TMEM108: variants seen among roughly 807,000 people sequenced by gnomAD.
The protein encoded by TMEM108 is transmembrane protein 108, also known as cancer/testis antigen 124.
A neutral mutation model predicts 35.1 loss-of-function variants in TMEM108; 12 were observed. The observed-to-expected ratio is 0.34, with a 90% CI of 0.22 to 0.55. The LOEUF (loss-of-function observed/expected upper bound fraction) is 0.55, where lower values mean the gene tolerates loss of function less well. TMEM108 is among the 20% of genes least tolerant of loss of function. The probability of loss-of-function intolerance (pLI) is 0.89; values close to 1 mark genes in which losing one functional copy is unlikely to be tolerated. For synonymous variants in TMEM108, 287 were observed against 308.6 expected (o/e 0.93, Z 0.73); for missense variants, 680 against 753.3 (o/e 0.90, Z 1.14).
chr3:133,380,172 C>T lies in TMEM108; in HGVS notation c.461C>T (p.Thr154Ile), dbSNP rs751037967. The T allele has an allele frequency of 3.8e-5, 62 of 1,612,468 alleles. No individual in the cohort carries two copies. Among genetic ancestry groups the T allele is most frequent in the Non-Finnish European group, 5.1e-5 (60 of 1,179,322 alleles). ...TKPPGATSRP[T>I]TAPPRTTTRR... ...CCACCGGGGGCCACCAGCCGCCCCA[C>T]CACAGCGCCCCCCCGCACTACCACA... is the stretch of plus-strand genomic sequence containing the variant. The change falls in exon 4 of 6, where the codon ACC becomes ATC. Residue 154 changes from threonine to isoleucine, a missense_variant. Physicochemically the swap from Thr to Ile is moderately conservative, Grantham distance 89. This residue lies in a region of TMEM108 where 526 missense variants were observed against 532.1 expected (regional missense o/e 0.99). Coordinates refer to ENST00000321871, the MANE Select transcript of TMEM108 (RefSeq NM_023943.4). This position sits in a 1 kb window ranked among gnomAD's most constrained non-coding sequence, Gnocchi z 5.3.
intron 3 of TMEM108, among the ~76,000 whole-genome samples, chr3:133,374,981 C>T (rs73209843): frequency 0.048 from 7,247 of 152,266 alleles, 215 homozygotes; most frequent in Non-Finnish European, 0.068. Flanking sequence ...TGCAGCTTGC[C>T]ATTCCCCAGC....
At chr3:133,255,708 G>T (rs978617029) in intron 3 of TMEM108, among the ~76,000 whole-genome samples, 2 of 152,146 alleles carry the variant, frequency 1.3e-5, no homozygotes, top group African/African-American at 4.8e-5. Context: ...AATAATAAGG[G>T]CTGGGCGTGG....
chr3:133,250,332 T>A (rs1946450392), intron 3 of TMEM108, among the ~76,000 whole-genome samples: 1 of 152,216 alleles, frequency 6.6e-6, no homozygotes, highest in South Asian at 2.1e-4. Flanking sequence ...ACCTATATGA[T>A]CATCTACTTC....
chr3:133,342,553 TATACAC>T (rs1220800936), intron 3 of TMEM108, among the ~76,000 whole-genome samples: 2 of 89,310 alleles, frequency 2.2e-5, no homozygotes, highest in Non-Finnish European at 4.7e-5. Context: ...GGTATATATA[TATACAC>T]ACACACACAC....
At chr3:133,377,950 A>C (rs2072889956) in intron 3 of TMEM108, among the ~76,000 whole-genome samples, 1 of 152,116 alleles carries the variant, frequency 6.6e-6, no homozygotes, top group African/African-American at 2.4e-5. Context: ...ATGAGAATTG[A>C]ATGCCTGCTG....
chr3:133,330,879 C>T (rs2071385897), intron 3 of TMEM108, among the ~76,000 whole-genome samples: 1 of 151,922 alleles, frequency 6.6e-6, no homozygotes, highest in Non-Finnish European at 1.5e-5. Context: ...TACCTCAAAA[C>T]AAAGCATTAG....
chr3:133,064,133 T>C (rs1943568038), intron 2 of TMEM108, among the ~76,000 whole-genome samples: 1 of 152,180 alleles, frequency 6.6e-6, no homozygotes, highest in Non-Finnish European at 1.5e-5. Flanking sequence ...CCTGTAAGAC[T>C]CTATTGAATT....
intron 2 of TMEM108, among the ~76,000 whole-genome samples, chr3:133,203,215 A>G (rs1182171674): frequency 1.3e-5 from 2 of 152,176 alleles, no homozygotes; most frequent in African/African-American, 4.8e-5. Context: ...GGTTTTCTAA[A>G]TAGACAATCA....
At chr3:133,097,023 C>T (rs574741318) in intron 2 of TMEM108, among the ~76,000 whole-genome samples, 15 of 152,280 alleles carry the variant, frequency 9.9e-5, no homozygotes, top group African/African-American at 3.6e-4. Context: ...TTGCATGTCA[C>T]GGGAAGGACT....
chr3:133,352,565 C>A (rs899135906), intron 3 of TMEM108, among the ~76,000 whole-genome samples: 1 of 152,192 alleles, frequency 6.6e-6, no homozygotes, highest in Non-Finnish European at 1.5e-5. Context: ...ATCAGAGGTT[C>A]CCACAACCCC....
At chr3:133,111,875 C>G (rs138234148) in intron 2 of TMEM108, among the ~76,000 whole-genome samples, 1 of 152,274 alleles carries the variant, frequency 6.6e-6, no homozygotes, top group East Asian at 1.9e-4. Flanking sequence ...TTTGCTTACC[C>G]TGCTTCCACC....
intron 2 of TMEM108, among the ~76,000 whole-genome samples, chr3:133,102,196 C>G (rs1224763303): frequency 6.6e-6 from 1 of 152,198 alleles, no homozygotes; most frequent in Non-Finnish European, 1.5e-5. Context: ...TGTAGAGATG[C>G]CTTCAGGCTG....
chr3:133,108,437 A>G (rs1387181016), intron 2 of TMEM108, among the ~76,000 whole-genome samples: 1 of 151,982 alleles, frequency 6.6e-6, no homozygotes, highest in African/African-American at 2.4e-5. Flanking sequence ...GTGTCTGTTC[A>G]TATCATTTGC....
chr3:133,068,038 C>T (rs2107686994), intron 2 of TMEM108, among the ~76,000 whole-genome samples: 1 of 151,862 alleles, frequency 6.6e-6, no homozygotes, highest in Middle Eastern at 3.4e-3. Context: ...TTATCAGGAG[C>T]TCATTTTCAT....
At chr3:133,372,846 G>T (rs1214434417) in intron 3 of TMEM108, among the ~76,000 whole-genome samples, 42 of 152,178 alleles carry the variant, frequency 2.8e-4, no homozygotes. Context: ...AAGCAGAAAA[G>T]ATTTGCACTC....
At chr3:133,394,879 GAATT>G (rs2073283933) in intron 5 of TMEM108, among the ~76,000 whole-genome samples, 1 of 152,254 alleles carries the variant, frequency 6.6e-6, no homozygotes, top group African/African-American at 2.4e-5. Flanking sequence ...AAACTTCAGA[GAATT>G]AATTGTGGCT....
At chr3:133,378,314 TCTC>T (rs2072903224) in intron 3 of TMEM108, 8 of 983,620 alleles carry the variant, frequency 8.1e-6, no homozygotes, top group Non-Finnish European at 9.7e-6. Context: ...TGCCTGGAGA[TCTC>T]CTCCCCATCT....
chr3:133,139,979 G>GGA (rs1311114943), intron 2 of TMEM108, among the ~76,000 whole-genome samples: 2 of 152,208 alleles, frequency 1.3e-5, no homozygotes, highest in African/African-American at 4.8e-5. Context: ...GGTGTGAGGG[G>GGA]GAAGAGGATA....
intron 2 of TMEM108, among the ~76,000 whole-genome samples, chr3:133,206,145 C>T (rs1308420016): frequency 1.3e-5 from 2 of 152,306 alleles, no homozygotes; most frequent in East Asian, 3.9e-4. Flanking sequence ...TTTTCAGCTC[C>T]ATCAGGTCAT....
Sources: gnomAD v4.1 joint callset for allele counts (sites outside exome capture counted in the v4.1 genomes callset) on GRCh38, gnomAD v4.1.1 for gene constraint, gnomAD v4.1.1 regional missense constraint, Gnocchi (gnomAD v3.1) non-coding constraint, MANE v1.5 for transcripts, NCBI Gene and HGNC (gene_info 2026-07-23, HGNC 2026-07-21) for gene names.